SDK1: variants seen among roughly 807,000 people sequenced by gnomAD.
SDK1 encodes the protein sidekick cell adhesion molecule 1, also known as protein sidekick-1.
In SDK1, 157 loss-of-function variants were observed where a neutral mutation model predicts 245.5. The observed-to-expected ratio is 0.64, with a 90% CI of 0.56 to 0.73. SDK1 has a LOEUF of 0.73. SDK1 is among the 30% of genes least tolerant of loss of function. The probability of loss-of-function intolerance (pLI) is 0.00; values close to 1 mark genes in which losing one functional copy is unlikely to be tolerated. For missense variants in SDK1, 3,583 were observed against 3,002.3 expected, an observed-to-expected ratio of 1.19 and a Z score of -4.52; for synonymous variants, 1,647 against 1,278.5, an observed-to-expected ratio of 1.29 and a Z score of -6.15.
At chr7:3,864,684 T>C (rs926013825) in intron 5 of SDK1, among the ~76,000 whole-genome samples, 2 of 152,118 alleles carry the variant, frequency 1.3e-5, no homozygotes, top group African/African-American at 2.4e-5. Context: ...GCAGAGTTGG[T>C]GTGCCTCCTG....
At chr7:4,227,965 A>G (rs1346516354) in intron 40 of SDK1, among the ~76,000 whole-genome samples, 2 of 152,218 alleles carry the variant, frequency 1.3e-5, no homozygotes, top group Non-Finnish European at 2.9e-5. Flanking sequence ...AGCAGAACCT[A>G]TTTATACAGA....
chr7:3,865,885 T>C (rs2115125160), intron 5 of SDK1, among the ~76,000 whole-genome samples: 1 of 152,236 alleles, frequency 6.6e-6, no homozygotes, highest in East Asian at 1.9e-4. Context: ...CAGAAGTTAT[T>C]TTGGGCTCCA....
intron 1 of SDK1, among the ~76,000 whole-genome samples, chr7:3,603,134 C>A (rs1187916520): frequency 1.4e-5 from 2 of 148,098 alleles, no homozygotes; most frequent in African/African-American, 5.0e-5. Flanking sequence ...CAGCTTTGTT[C>A]TTTTGGCTTA....
chr7:3,624,651 C>G (rs1374078131), intron 2 of SDK1, among the ~76,000 whole-genome samples: 1 of 151,870 alleles, frequency 6.6e-6, no homozygotes, highest in Non-Finnish European at 1.5e-5. Context: ...TTCTAAAACC[C>G]AAGGCATATT....
In SDK1 at chr7:3,363,557, G is replaced by T. The variant is rs1481834719; in HGVS notation, c.298+61673G>T. Among the ~76,000 whole-genome samples, 3 of 152,116 alleles carry T rather than the reference G, an allele frequency of 2.0e-5. No homozygotes were observed. The East Asian group carries it at 5.8e-4, about 29-fold the overall frequency. ...GGCCCCCAACCTTTTTGGCACCAGG[G>T]ACCGGTTTCTTCAAAGACAGTTTTT... On this transcript the variant is annotated intron_variant, in intron 1 of 44. Coordinates refer to ENST00000404826, the MANE Select transcript of SDK1 (RefSeq NM_152744.4).
At chr7:3,636,515 T>C (rs1257995314) in intron 2 of SDK1, among the ~76,000 whole-genome samples, 4 of 152,354 alleles carry the variant, frequency 2.6e-5, no homozygotes, top group African/African-American at 9.6e-5. Context: ...CATGACGTCA[T>C]GCTATGTAGC....
chr7:3,541,162 T>C (rs1779041599), intron 1 of SDK1, among the ~76,000 whole-genome samples: 1 of 152,276 alleles, frequency 6.6e-6, no homozygotes, highest in Non-Finnish European at 1.5e-5. Flanking sequence ...TAAGTATAAC[T>C]ATATCCTGTC....
At chr7:4,047,502 A>G (rs1414490951) in intron 17 of SDK1, among the ~76,000 whole-genome samples, 1 of 152,188 alleles carries the variant, frequency 6.6e-6, no homozygotes, top group Non-Finnish European at 1.5e-5. Flanking sequence ...ATGCTTTAGA[A>G]TTGGTTTAAT....
chr7:3,636,932 A>G (rs1782472496), intron 2 of SDK1, among the ~76,000 whole-genome samples: 1 of 152,174 alleles, frequency 6.6e-6, no homozygotes, highest in African/African-American at 2.4e-5. Context: ...CCTGATGATT[A>G]GGGACATTGA....
chr7:4,267,405 C>G lies in SDK1; in HGVS notation c.*2021C>G. ...TATTCTAAACCAAAAATCCTAGATG[C>G]TCTGCCCAAAGCCACTTCTGCATGA... On this transcript the variant is annotated 3_prime_UTR_variant, in exon 45 of 45. Coordinates refer to ENST00000404826, the MANE Select transcript of SDK1 (RefSeq NM_152744.4). 1.0e-6 allele frequency: 1 copy of G among 985,304 alleles called. No individual in the cohort carries two copies. Among genetic ancestry groups the G allele is most frequent in the Non-Finnish European group, 1.2e-6 (1 of 829,956 alleles). 61.0% of individuals were successfully genotyped at this position (985,304 alleles called of 1,614,324 possible). A position where few individuals can be genotyped will look rare whatever the true frequency, so the allele number is the denominator to read the frequency against.
chr7:3,543,768 T>C (rs1779124199), intron 1 of SDK1, among the ~76,000 whole-genome samples: 1 of 152,222 alleles, frequency 6.6e-6, no homozygotes, highest in Non-Finnish European at 1.5e-5. Context: ...TGTTCGTATG[T>C]TGTGAATTCC....
intron 38 of SDK1, among the ~76,000 whole-genome samples, chr7:4,211,383 G>C (rs990540269): frequency 6.6e-6 from 1 of 152,094 alleles, no homozygotes; most frequent in Non-Finnish European, 1.5e-5. Context: ...GAGGCCGGCC[G>C]GGGCTGTGGC....
chr7:3,557,115 G>T (rs779982204), intron 1 of SDK1, among the ~76,000 whole-genome samples: 1 of 151,622 alleles, frequency 6.6e-6, no homozygotes, highest in African/African-American at 2.4e-5. Context: ...AGCAAAAGTC[G>T]ACAAAACTGA....
chr7:3,924,718 A>G (rs1399979431), intron 5 of SDK1, among the ~76,000 whole-genome samples: 1 of 152,028 alleles, frequency 6.6e-6, no homozygotes, highest in Non-Finnish European at 1.5e-5. Flanking sequence ...TGGCATGCTA[A>G]TTTTCAGGTT....
chr7:4,037,036 G>A (rs187946269), intron 17 of SDK1, among the ~76,000 whole-genome samples: 29 of 152,238 alleles, frequency 1.9e-4, no homozygotes, highest in African/African-American at 7.0e-4. Flanking sequence ...TTCAAAGTGA[G>A]ACCCCTTCAC....
chr7:3,502,568 A>C (rs911835347), intron 1 of SDK1, among the ~76,000 whole-genome samples: 1 of 152,200 alleles, frequency 6.6e-6, no homozygotes. Flanking sequence ...TATTTTTAAT[A>C]GCACCCCTAA....
At chr7:3,897,424 C>A (rs764598263) in intron 5 of SDK1, among the ~76,000 whole-genome samples, 1 of 152,160 alleles carries the variant, frequency 6.6e-6, no homozygotes, top group Admixed American at 6.5e-5. Context: ...TTCTACTACT[C>A]TAGAGGCCTC....
chr7:3,603,761 C>T (rs992256649), intron 1 of SDK1, among the ~76,000 whole-genome samples: 5 of 152,164 alleles, frequency 3.3e-5, no homozygotes, highest in Middle Eastern at 3.4e-3. Flanking sequence ...GTCTTGTGCC[C>T]GTTTTTAAAG....
At chr7:3,756,118 T>A (rs560350696) in intron 4 of SDK1, among the ~76,000 whole-genome samples, 2 of 151,550 alleles carry the variant, frequency 1.3e-5, no homozygotes, top group Non-Finnish European at 2.9e-5. Flanking sequence ...CATTGATGTT[T>A]TGAACCTGAC....
Sources: allele counts gnomAD v4.1 joint callset (sites outside exome capture counted in the v4.1 genomes callset), GRCh38; gene constraint gnomAD v4.1.1; transcripts MANE v1.5; gene names NCBI Gene and HGNC (gene_info 2026-07-23, HGNC 2026-07-21).